ADCY2: variants seen among roughly 807,000 people sequenced by gnomAD.
ADCY2 encodes the protein adenylate cyclase type 2.
In ADCY2, 31 loss-of-function variants were observed where a neutral mutation model predicts 125.2. That is an observed-to-expected ratio of 0.25 (90% CI 0.19 to 0.33). The LOEUF (loss-of-function observed/expected upper bound fraction) is 0.33, where lower values mean the gene tolerates loss of function less well. ADCY2 is among the 10% of genes least tolerant of loss of function. ADCY2 has a pLI of 1.00. For synonymous variants in ADCY2, 512 were observed against 548.4 expected (o/e 0.93, Z 0.93); for missense variants, 904 against 1,418.2 (o/e 0.64, Z 5.82).
At chr5:7,513,324 G>T (rs1195425094) in intron 2 of ADCY2, among the ~76,000 whole-genome samples, 1 of 152,176 alleles carries the variant, frequency 6.6e-6, no homozygotes, top group East Asian at 1.9e-4. Context: ...TGTATGAAAA[G>T]AACTTGTGAC....
chr5:7,781,064 TG>T (rs1743908742), intron 18 of ADCY2, among the ~76,000 whole-genome samples: 1 of 152,338 alleles, frequency 6.6e-6, no homozygotes, highest in Non-Finnish European at 1.5e-5. Context: ...TTGGAAATCA[TG>T]TAGTTAGAAA....
intron 3 of ADCY2, among the ~76,000 whole-genome samples, chr5:7,609,593 A>G (rs1055102545): frequency 5.3e-5 from 8 of 152,236 alleles, no homozygotes; most frequent in East Asian, 1.9e-4. Context: ...TACCCAATCT[A>G]TATATAGGGG....
intron 3 of ADCY2, among the ~76,000 whole-genome samples, chr5:7,586,630 G>A (rs1405114049): frequency 6.6e-6 from 1 of 152,134 alleles, no homozygotes; most frequent in Non-Finnish European, 1.5e-5. Flanking sequence ...CGTGCATCTC[G>A]GGGGATGTCT....
chr5:7,480,559 C>T lies in ADCY2; in HGVS notation c.409-40179C>T, dbSNP rs140953660. 1.4e-4 allele frequency among the ~76,000 whole-genome samples: 22 copies of T among 152,078 alleles called. No individual in the cohort carries two copies. In the East Asian group the frequency reaches 4.1e-3, roughly 28 times the overall value. On this transcript the variant is annotated intron_variant, in intron 2 of 24. Coordinates refer to ENST00000338316, the MANE Select transcript of ADCY2 (RefSeq NM_020546.3). ...AAATGGGAGCTGAATTATGAGAACA[C>T]ATGGACACATAGAGGGGAACAACAC...
intron 4 of ADCY2, among the ~76,000 whole-genome samples, chr5:7,647,476 C>T (rs1738941001): frequency 6.6e-6 from 1 of 152,100 alleles, no homozygotes; most frequent in African/African-American, 2.4e-5. Context: ...TGCAGAGGTT[C>T]GACCCCCATC....
intron 20 of ADCY2, chr5:7,799,153 T>G (rs1305922035): frequency 6.6e-6 from 1 of 152,238 alleles, no homozygotes; most frequent in Admixed American, 6.5e-5. Context: ...TACTTTTGGG[T>G]AGCCATATGC....
chr5:7,493,015 T>C (rs898873269), intron 2 of ADCY2, among the ~76,000 whole-genome samples: 15 of 152,312 alleles, frequency 9.8e-5, no homozygotes, highest in Admixed American at 4.6e-4. Flanking sequence ...TTCTGAGCTA[T>C]GTCCTGGGAA....
intron 5 of ADCY2, among the ~76,000 whole-genome samples, chr5:7,694,693 T>A (rs1244249214): frequency 1.3e-5 from 2 of 152,244 alleles, no homozygotes; most frequent in Non-Finnish European, 2.9e-5. Flanking sequence ...GACATTCGGT[T>A]TGCTTCCATC....
chr5:7,650,043 C>T (rs941188995), intron 4 of ADCY2, among the ~76,000 whole-genome samples: 1 of 152,174 alleles, frequency 6.6e-6, no homozygotes, highest in African/African-American at 2.4e-5. Flanking sequence ...TCTCCCTGGA[C>T]CTCAGCACTC....
intron 1 of ADCY2, among the ~76,000 whole-genome samples, chr5:7,403,417 A>G (rs960566608): frequency 1.8e-4 from 28 of 152,190 alleles, no homozygotes; most frequent in African/African-American, 6.3e-4. Flanking sequence ...AGTGCATTCA[A>G]ATACACAACC....
intron 2 of ADCY2, among the ~76,000 whole-genome samples, chr5:7,463,758 G>A (rs977825535): frequency 1.1e-4 from 17 of 152,210 alleles, no homozygotes; most frequent in African/African-American, 2.9e-4. Flanking sequence ...TGGTTGAAAC[G>A]AGAAAGAGAA....
At chr5:7,814,832 G>A (rs1372387764) in intron 22 of ADCY2, among the ~76,000 whole-genome samples, 1 of 152,104 alleles carries the variant, frequency 6.6e-6, no homozygotes, top group Non-Finnish European at 1.5e-5. Context: ...CTCTGATTTA[G>A]CTCCCTTTGG....
chr5:7,477,809 C>G (rs1051105501), intron 2 of ADCY2, among the ~76,000 whole-genome samples: 1 of 152,092 alleles, frequency 6.6e-6, no homozygotes, highest in Non-Finnish European at 1.5e-5. Flanking sequence ...AACCTGTCAT[C>G]GTCGCCGTAT....
intron 3 of ADCY2, among the ~76,000 whole-genome samples, chr5:7,569,318 G>A (rs4404651): frequency 4.0e-5 from 6 of 151,894 alleles, no homozygotes; most frequent in African/African-American, 9.7e-5. Context: ...ACCTGCTAAG[G>A]GTGGGTTGAC....
At chr5:7,804,743 C>G (rs373131575) in intron 22 of ADCY2, 51 bp downstream of exon 22, 2 of 1,409,730 alleles carry the variant, frequency 1.4e-6, no homozygotes, top group African/African-American at 2.8e-5. Flanking sequence ...ACCCCATCCA[C>G]AAACCACCCT....
chr5:7,506,367 T>G (rs1743813316), intron 2 of ADCY2, among the ~76,000 whole-genome samples: 1 of 152,210 alleles, frequency 6.6e-6, no homozygotes, highest in African/African-American at 2.4e-5. Context: ...CCGTCATACA[T>G]ACAACACTTA....
At chr5:7,787,488 C>A (rs1040860968) in intron 19 of ADCY2, among the ~76,000 whole-genome samples, 20 of 152,300 alleles carry the variant, frequency 1.3e-4, no homozygotes, top group Admixed American at 1.1e-3. Context: ...TTGGAACTAT[C>A]TTTTGGAGGA....
chr5:7,702,947 G>T (rs1265082417), intron 7 of ADCY2, among the ~76,000 whole-genome samples: 1 of 152,216 alleles, frequency 6.6e-6, no homozygotes, highest in African/African-American at 2.4e-5. Context: ...GTATCTCATT[G>T]TGGTTTTGAT....
intron 3 of ADCY2, among the ~76,000 whole-genome samples, chr5:7,600,562 G>T (rs1016339177): frequency 6.6e-6 from 1 of 152,198 alleles, no homozygotes; most frequent in Non-Finnish European, 1.5e-5. Context: ...GCTGTACTTA[G>T]TGACTTGCTG....
Sources: gnomAD v4.1 joint callset for allele counts (sites outside exome capture counted in the v4.1 genomes callset) on GRCh38, gnomAD v4.1.1 for gene constraint, MANE v1.5 for transcripts, NCBI Gene and HGNC (gene_info 2026-07-23, HGNC 2026-07-21) for gene names.